Variants in RAPGEF2 observed in about 807,000 individuals in gnomAD.
RAPGEF2 encodes PDZ domain containing guanine nucleotide exchange factor (GEF) 1.
A neutral mutation model predicts 186.7 loss-of-function variants in RAPGEF2; 54 were observed. The observed-to-expected ratio is 0.29, with a 90% CI of 0.23 to 0.36. The LOEUF (loss-of-function observed/expected upper bound fraction) is 0.36. RAPGEF2 is among the 10% of genes least tolerant of loss of function. The probability of loss-of-function intolerance (pLI) is 1.00; values close to 1 mark genes in which losing one functional copy is unlikely to be tolerated. For synonymous variants in RAPGEF2, 712 were observed against 705.9 expected (o/e 1.01, Z -0.14); for missense variants, 1,532 against 2,045.0 (o/e 0.75, Z 4.84).
chr4:159,271,759 C>A (rs1354892913), intron 7 of RAPGEF2, among the ~76,000 whole-genome samples: 1 of 152,052 alleles, frequency 6.6e-6, no homozygotes, highest in Non-Finnish European at 1.5e-5. Context: ...GTGCTTTTTT[C>A]CTGCAGCTAT....
chr4:159,323,363 G>A, intron 10 of RAPGEF2, 96 bp from the exon 11 acceptor site: 1 of 1,017,694 alleles, frequency 9.8e-7, no homozygotes, highest in Non-Finnish European at 1.4e-6. Context: ...CTCCAAAATG[G>A]AAGATCTGCT....
chr4:159,164,868 T>A (rs1371350147), intron 1 of RAPGEF2, among the ~76,000 whole-genome samples: 3 of 152,236 alleles, frequency 2.0e-5, no homozygotes, highest in Non-Finnish European at 4.4e-5. Flanking sequence ...ATTTTGTGAC[T>A]TAGTTCAGTT....
At position 159,322,502 on chromosome 4, in the gene RAPGEF2, C is replaced by T; in HGVS notation, c.990+19C>T. ...TGAAGAGGTGAGTAACTATTCCTAC[C>T]ACTTAAAAAGTTTCTTCTTAAAGAT... On this transcript the variant is annotated intron_variant, in intron 10 of 29. Transcript: ENST00000691494. The T allele has an allele frequency of 6.2e-7, 1 of 1,607,020 alleles. No homozygotes were observed.
In RAPGEF2 at chr4:159,193,232, A is replaced by G; in HGVS notation, c.173A>G (p.His58Arg). The stretch of plus-strand genomic sequence containing the variant: ...TGTGAAACTGTGAGATATGAGAGAC[A>G]CGAAGCAAATGAAGTTTTATACTAG... Reference protein sequence around the residue: ...LMCETVRYERHEANEVLYYPD... With the variant: ...LMCETVRYERREANEVLYYPD... The change falls in exon 3 of 30, where the codon CAC becomes CGC. Residue 58 changes from histidine to arginine, a missense_variant. His to Arg is a conservative substitution (Grantham distance 29). Transcript: ENST00000691494. The G allele has an allele frequency of 6.6e-7, 1 of 1,504,880 alleles. No homozygotes were observed. Among genetic ancestry groups the G allele is most frequent in the Non-Finnish European group, 8.8e-7 (1 of 1,131,282 alleles). The allele number at this position is 1,504,880 out of a possible 1,614,324, so 93.2% of individuals were successfully genotyped here. A position where few individuals can be genotyped will look rare whatever the true frequency, so the allele number is the denominator to read the frequency against.
intron 4 of RAPGEF2, among the ~76,000 whole-genome samples, chr4:159,213,187 T>C (rs1750688012): frequency 6.6e-6 from 1 of 152,224 alleles, no homozygotes; most frequent in Non-Finnish European, 1.5e-5. Flanking sequence ...CCTTTGGGGA[T>C]GTTGCCTTAG....
At chr4:159,328,238 G>A (rs1431898311) in intron 11 of RAPGEF2, 1 of 152,178 alleles carries the variant, frequency 6.6e-6, no homozygotes. Context: ...AGAAACTAAG[G>A]ATCATGTATT....
intron 25 of RAPGEF2, among the ~76,000 whole-genome samples, chr4:159,349,032 A>G (rs3805139): frequency 0.035 from 5,327 of 152,252 alleles, 223 homozygotes; most frequent in African/African-American, 0.098. Flanking sequence ...TAATATCTTC[A>G]CATCCATCCA....
Sources: allele counts gnomAD v4.1 joint callset (sites outside exome capture counted in the v4.1 genomes callset), GRCh38; gene constraint gnomAD v4.1.1; transcripts MANE v1.5; gene names NCBI Gene and HGNC (gene_info 2026-07-23, HGNC 2026-07-21).